GALNS: variants seen among roughly 807,000 people sequenced by gnomAD.
The protein encoded by GALNS is N-acetylgalactosamine-6-sulfatase.
In GALNS, 65 loss-of-function variants were observed where a neutral mutation model predicts 65.9. The ratio of observed to expected loss-of-function variants is 0.99; its 90% CI spans 0.81 to 1.21. GALNS has a LOEUF of 1.21. Among genes scored for constraint, GALNS ranks in the 50% most tolerant of loss-of-function variants. The probability of loss-of-function intolerance (pLI) is 0.00; values close to 1 mark genes in which losing one functional copy is unlikely to be tolerated. For synonymous variants in GALNS, 346 were observed against 288.9 expected, an observed-to-expected ratio of 1.20 and a Z score of -2.00; for missense variants, 776 against 700.7, an observed-to-expected ratio of 1.11 and a Z score of -1.21.
Position 88,822,767 on chromosome 16 carries a change from G to A in GALNS, c.1243-57C>T, listed in dbSNP as rs574943680. On this transcript the variant is annotated intron_variant, in intron 11 of 13. Transcript: ENST00000268695. ...AGCCCCTGACCTGCGGCCGTGAGGG[G>A]CCTCGTCTGCCCGTGTCCTGGAGCC... 28 of 1,593,448 alleles carry A rather than the reference G, an allele frequency of 1.8e-5. 1 individual carries two copies. The South Asian group carries it at 2.7e-4, about 15-fold the overall frequency.
chr16:88,830,322 A>G (rs1911368353), intron 9 of GALNS, among the ~76,000 whole-genome samples: 1 of 150,368 alleles, frequency 6.7e-6, no homozygotes, highest in Non-Finnish European at 1.5e-5. Flanking sequence ...AGGGGCCAGG[A>G]GCTCAGGAAT....
rs574272244 is a variant in GALNS, at chr16:88,816,302, A to G, written c.1482+1705T>C. 103 of 985,226 alleles carry G rather than the reference A, an allele frequency of 1.0e-4. No homozygotes were observed. The African/African-American group carries it at 1.5e-3, about 14-fold the overall frequency. The allele number at this position is 985,226 out of a possible 1,614,324, so 61.0% of individuals were successfully genotyped here. ...ACTGCAGCCTGGGTCGTAGAGAAGGACCCAGCAGCACGGAGTGGGATTGGG... is the reference window on the plus strand; with the variant it reads ...ACTGCAGCCTGGGTCGTAGAGAAGGGCCCAGCAGCACGGAGTGGGATTGGG... On this transcript the variant is annotated intron_variant, in intron 13 of 13. Transcript: ENST00000268695.
intron 1 of GALNS, among the ~76,000 whole-genome samples, chr16:88,850,594 G>A (rs1403327686): frequency 6.6e-6 from 1 of 152,214 alleles, no homozygotes; most frequent in Non-Finnish European, 1.5e-5. Flanking sequence ...GGAGTCCCAG[G>A]TCTTGGCGAC....
chr16:88,827,409 C>G (rs1316565123), intron 9 of GALNS, among the ~76,000 whole-genome samples: 1 of 152,198 alleles, frequency 6.6e-6, no homozygotes, highest in African/African-American at 2.4e-5. Context: ...CAGAGCGTGC[C>G]ATCTGGCTTC....
At chr16:88,855,180 G>A (rs754013575) in intron 1 of GALNS, 17 of 667,212 alleles carry the variant, frequency 2.5e-5, no homozygotes, top group African/African-American at 1.4e-4. Context: ...ATATTATTTC[G>A]ACAAGTCTTC....
rs574543826 is a variant in GALNS at position 88,856,921 on chromosome 16, A to C, written c.-44T>G. On this transcript the variant is annotated 5_prime_UTR_variant, in exon 1 of 14. Coordinates refer to ENST00000268695, the MANE Select transcript of GALNS (RefSeq NM_000512.5). ...GGAGCCCCGGCCAGCGAGCCGACCT[A>C]GCGAGCGTCCGCCGGCCCTTCCGGC... is the stretch of plus-strand genomic sequence containing the variant. 9 of 1,483,530 alleles carry C rather than the reference A, an allele frequency of 6.1e-6. No individual in the cohort carries two copies. Among genetic ancestry groups the C allele is most frequent in the Middle Eastern group, 4.7e-4 (2 of 4,274 alleles). 91.9% of individuals were successfully genotyped at this position (1,483,530 alleles called of 1,614,324 possible). A position where few individuals can be genotyped will look rare whatever the true frequency, so the allele number is the denominator to read the frequency against.
At chr16:88,826,307 C>A (rs147302782) in intron 10 of GALNS, among the ~76,000 whole-genome samples, 1 of 120,622 alleles carries the variant, frequency 8.3e-6, no homozygotes, top group Non-Finnish European at 1.7e-5. Context: ...ACAGGGGCGG[C>A]GTGTGTCTGG....
chr16:88,855,421 A>G (rs1967765510), intron 1 of GALNS: 1 of 702,726 alleles, frequency 1.4e-6, no homozygotes, highest in East Asian at 2.7e-5. Flanking sequence ...GAAGCAAAGT[A>G]TCTTTAGGAG....
chr16:88,831,929 G>A, intron 9 of GALNS, 69 bp downstream of exon 9: 1 of 1,345,404 alleles, frequency 7.4e-7, no homozygotes, highest in East Asian at 2.4e-5. Context: ...GCCAGTGAGG[G>A]GCGCACACAC....
chr16:88,824,790 TGGTCCA>T lies in GALNS; in HGVS notation c.1213_1218del (p.Trp405_Thr406del), dbSNP rs1567519128. 1.9e-6 allele frequency: 3 copies of T among 1,613,300 alleles called. No individual in the cohort carries two copies. The highest frequency in any genetic ancestry group is 2.5e-6 in the Non-Finnish European group (3 of 1,180,000). ...ACCTGTCTGAAGTTCTCCCAGGAGT[TGGTCCA>T]GGTCCAGAAGTGAGCCTTGTGCTGC... On this transcript the variant is annotated inframe_deletion, in exon 11 of 14. Coordinates refer to ENST00000268695, the MANE Select transcript of GALNS (RefSeq NM_000512.5).
At chr16:88,814,551 A>C (rs1410131296) in intron 13 of GALNS, 26 bp from the exon 14 acceptor site, 1 of 1,550,974 alleles carries the variant, frequency 6.4e-7, no homozygotes, top group East Asian at 2.4e-5. Context: ...TGAGAAAAAG[A>C]ACATGCAGTT....
intron 4 of GALNS, chr16:88,838,680 T>A (rs568568146): frequency 9.2e-5 from 14 of 152,502 alleles, no homozygotes; most frequent in Admixed American, 3.3e-4. Flanking sequence ...TGTCCTGTCC[T>A]GGAACGAATC....
At chr16:88,841,822 A>C in intron 3 of GALNS, 75 bp downstream of exon 3, 5 of 1,336,492 alleles carry the variant, frequency 3.7e-6, no homozygotes, top group Non-Finnish European at 5.3e-6. Context: ...AGTCCCGGAG[A>C]CACGGGCACC....
chr16:88,824,613 C>T (rs1910610156), intron 11 of GALNS, among the ~76,000 whole-genome samples, 154 bp downstream of exon 11: 1 of 152,172 alleles, frequency 6.6e-6, no homozygotes, highest in Non-Finnish European at 1.5e-5. Flanking sequence ...CTAGGCCACG[C>T]TGAACGACTG....
At chr16:88,815,842 G>A in intron 13 of GALNS, 1 of 984,676 alleles carries the variant, frequency 1.0e-6, no homozygotes, top group African/African-American at 1.8e-5. Context: ...GCAGCCGCAG[G>A]GTGTGTTTGA....
Position 88,842,751 on chromosome 16 carries a change from G to A in GALNS, c.199C>T (p.Leu67=). 2 of 1,612,948 alleles carry A rather than the reference G, an allele frequency of 1.2e-6. No individual in the cohort carries two copies. Among genetic ancestry groups the A allele is most frequent in the Non-Finnish European group, 1.7e-6 (2 of 1,179,796 alleles). The change falls in exon 2 of 14, where the codon CTG becomes TTG. Residue 67 remains leucine (L), a synonymous_variant. Transcript: ENST00000268695. ...PNLDRMAAEG[L]LFPNFYSANP... ...GCAGAATAGAAGTTTGGGAAAAGCA[G>A]CCCTTCTGCAGCCATCCGGTCCAAA...
intron 8 of GALNS, among the ~76,000 whole-genome samples, chr16:88,834,161 G>T (rs1044991834): frequency 1.3e-5 from 2 of 152,270 alleles, no homozygotes; most frequent in African/African-American, 2.4e-5. Flanking sequence ...GGCTCACCCA[G>T]GGGAGCTATC....
Position 88,837,672 on chromosome 16 carries a change from G to C in GALNS, c.516C>G (p.Asn172Lys), listed in dbSNP as rs367557149. 13 of 1,614,028 alleles carry C rather than the reference G, an allele frequency of 8.1e-6. No homozygotes were observed. The African/African-American group carries it at 1.5e-4, about 18-fold the overall frequency. Reference sequence around the variant, plus strand: ...ACACAGGGATGTTGGGCCTGGCCTTGTTGTCATAAGGTCCAAAGTGGCAGT... The same window carrying C: ...ACACAGGGATGTTGGGCCTGGCCTTCTTGTCATAAGGTCCAAAGTGGCAGT... The part of the protein sequence containing the change: ...SPNCHFGPYD[N>K]KARPNIPVYR... The change falls in exon 5 of 14, where the codon AAC becomes AAG. Residue 172 changes from asparagine to lysine, a missense_variant. Asn to Lys is a moderately conservative substitution (Grantham distance 94). Coordinates refer to ENST00000268695, the MANE Select transcript of GALNS (RefSeq NM_000512.5).
At chr16:88,844,921 C>T (rs912207712) in intron 1 of GALNS, 6 of 152,286 alleles carry the variant, frequency 3.9e-5, no homozygotes, top group Admixed American at 3.9e-4. Context: ...GATGTGCACG[C>T]TCTGTGCCAA....
Sources: allele counts gnomAD v4.1 joint callset (sites outside exome capture counted in the v4.1 genomes callset), GRCh38; gene constraint gnomAD v4.1.1; transcripts MANE v1.5; gene names NCBI Gene and HGNC (gene_info 2026-07-23, HGNC 2026-07-21).